PLEC: variants seen among roughly 807,000 people sequenced by gnomAD.
PLEC encodes hemidesmosomal protein 1.
Under a neutral mutation model 392.8 loss-of-function variants are expected in PLEC, and 216 were observed. The observed-to-expected ratio is 0.55, with a 90% confidence interval of 0.49 to 0.62. The LOEUF (loss-of-function observed/expected upper bound fraction) is 0.62, where lower values mean the gene tolerates loss of function less well. Among genes scored for constraint, PLEC ranks in the 20% least tolerant of loss-of-function variants. PLEC has a pLI of 0.00. For synonymous variants in PLEC, 3,621 were observed against 2,980.6 expected, an observed-to-expected ratio of 1.21 and a Z score of -7.00; for missense variants, 6,863 against 6,563.4, an observed-to-expected ratio of 1.05 and a Z score of -1.58.
chr8:143,926,345 G>T lies in PLEC; in HGVS notation c.4044+439C>A, dbSNP rs1052108092. 4.4e-4 allele frequency among the ~76,000 whole-genome samples: 67 copies of T among 152,214 alleles called. 1 individual carries two copies. The highest frequency in any genetic ancestry group is 4.1e-3 in the Admixed American group (62 of 15,288). ...CGTGGAGACAGCAGTGCAGACCCGAGCCAACTCGGAAGAGGATTCAGGGCC... is the reference window on the plus strand; with the variant it reads ...CGTGGAGACAGCAGTGCAGACCCGATCCAACTCGGAAGAGGATTCAGGGCC... On this transcript the variant is annotated intron_variant, in intron 30 of 31. Coordinates refer to ENST00000345136, the MANE Select transcript of PLEC (RefSeq NM_201384.3).
intron 9 of PLEC, 32 bp from the exon 10 acceptor site, chr8:143,934,762 C>A (rs782592686): frequency 6.2e-7 from 1 of 1,612,222 alleles, no homozygotes; most frequent in Non-Finnish European, 8.5e-7. Flanking sequence ...GCAACCACGC[C>A]GGGCTCTCAG....
At position 143,916,359 on chromosome 8, in the gene PLEC, C is replaced by CGGCCCGGG. The variant is rs782181247; in HGVS notation, c.13461_13462insCCCGGGCC (p.Gly4488ProfsTer31). ...CCGGTGCGCGAGCCGGTGCGGGAGC[C>CGGCCCGGG]AGCGGTAGAGCCGGAGCCGCTGACG... is the stretch of plus-strand genomic sequence containing the variant. On this transcript the variant is annotated frameshift_variant, in exon 32 of 32. Coordinates refer to ENST00000345136, the MANE Select transcript of PLEC (RefSeq NM_201384.3). LOFTEE classifies it high-confidence loss of function. 1.2e-6 allele frequency: 2 copies of CGGCCCGGG among 1,606,534 alleles called. 1 individual carries two copies. The highest frequency in any genetic ancestry group is 1.7e-6 in the Non-Finnish European group (2 of 1,176,850).
At chr8:143,953,423 G>A (rs1181647858), upstream of PLEC, among the ~76,000 whole-genome samples, 1 of 151,930 alleles carries the variant, frequency 6.6e-6, no homozygotes, top group East Asian at 1.9e-4. Context: ...TGAAGGCTGA[G>A]CTCCCACTGT....
In PLEC at chr8:143,921,727, G is replaced by A. The variant is rs782694404; in HGVS notation, c.8094C>T (p.Ile2698=). Residue 2698 remains isoleucine, a synonymous_variant, in exon 32 of 32, where the codon ATC becomes ATT. Transcript: ENST00000345136. ...TGGTGGCCTTCAGCAACAGCCCTGC[G>A]ATACTGCTGCGGCCCTGCAGGTAGT... ...VRHYLQGRSS[I]AGLLLKATNE... 2.2e-5 allele frequency: 35 copies of A among 1,612,734 alleles called. No individual in the cohort carries two copies. The African/African-American group carries it at 2.8e-4, about 13-fold the overall frequency.
rs782134827 is a variant in PLEC at position 143,918,660 on chromosome 8, G to A, written c.11161C>T (p.Arg3721Cys). The change falls in exon 32 of 32, where the codon CGC (arginine) becomes TGC (cysteine). Residue 3721 changes from arginine to cysteine, a missense_variant. Arg to Cys is a radical substitution (Grantham distance 180). Transcript: ENST00000345136. ...GCTGCCTGTGCCTCCAGCAGCAGGC[G>A]GGCCACCTCGGCACTCAGCAGCCCT... The part of the protein sequence containing the change: ...KKGLLSAEVA[R>C]LLLEAQAATG... 4.0e-5 allele frequency: 64 copies of A among 1,612,676 alleles called. No individual in the cohort carries two copies. Among genetic ancestry groups the A allele is most frequent in the East Asian group, 6.7e-5 (3 of 44,868 alleles).
upstream of PLEC, chr8:143,943,908 G>C: frequency 2.5e-6 from 4 of 1,608,346 alleles, no homozygotes; most frequent in South Asian, 4.4e-5. Flanking sequence ...ACGCGGAGCC[G>C]CCAGGGCTGC....
chr8:143,921,187 G>T lies in PLEC; in HGVS notation c.8634C>A (p.Gly2878=), dbSNP rs1554684339. 1.9e-6 allele frequency: 3 copies of T among 1,613,954 alleles called. No homozygotes were observed. In the South Asian group the frequency reaches 3.3e-5, roughly 18 times the overall value. The stretch of plus-strand genomic sequence containing the variant: ...TATCCGTGAGTGGCAGAAGGCACAG[G>T]CCCGTCTCGGGGTCCTCCACGCAGC... The part of the protein sequence containing the change: ...LERCVEDPET[G]LCLLPLTDKA... Residue 2878 remains glycine (G), a synonymous_variant, in exon 32 of 32, where the codon GGC becomes GGA. Coordinates refer to ENST00000345136, the MANE Select transcript of PLEC (RefSeq NM_201384.3).
At chr8:143,930,104 C>A in intron 21 of PLEC, 40 bp downstream of exon 21, 1 of 1,600,488 alleles carries the variant, frequency 6.2e-7, no homozygotes, top group Non-Finnish European at 8.5e-7. Context: ...AGCGCCCCAC[C>A]CGCCTTCCAG....
Position 143,934,773 on chromosome 8 carries a change from G to A in PLEC, c.945+37C>T, listed in dbSNP as rs782423043. Reference sequence around the variant, plus strand: ...GTCGGCAACCACGCCGGGCTCTCAGGGCAGGCCCAGGACCCCGCCCCCCAC... The same window carrying A: ...GTCGGCAACCACGCCGGGCTCTCAGAGCAGGCCCAGGACCCCGCCCCCCAC... On this transcript the variant is annotated intron_variant, in intron 9 of 31. Coordinates refer to ENST00000345136, the MANE Select transcript of PLEC (RefSeq NM_201384.3). 4.3e-6 allele frequency: 7 copies of A among 1,611,816 alleles called. No individual in the cohort carries two copies. In the Middle Eastern group the frequency reaches 4.9e-4, roughly 114 times the overall value.
chr8:143,921,783 C>G lies in PLEC; in HGVS notation c.8038G>C (p.Asp2680His). The G allele has an allele frequency of 1.9e-6, 3 of 1,611,302 alleles. No homozygotes were observed. Among genetic ancestry groups the G allele is most frequent in the Non-Finnish European group, 2.5e-6 (3 of 1,179,818 alleles). Residue 2680 changes from aspartate (D) to histidine (H), a missense_variant, in exon 32 of 32, where the codon GAC (aspartate) becomes CAC (histidine). By Grantham distance (81) the Asp-to-His change is moderately conservative. Coordinates refer to ENST00000345136, the MANE Select transcript of PLEC (RefSeq NM_201384.3). ...ACGTCTTCCCGCCGTGCGAGCTCGTCCACCGTGGTGTGGCCCTGCGCCAAC... is the reference window on the plus strand; with the variant it reads ...ACGTCTTCCCGCCGTGCGAGCTCGTGCACCGTGGTGTGGCCCTGCGCCAAC... ...QRLAQGHTTV[D>H]ELARREDVRH...
chr8:143,935,572 C>T (rs1292151739), intron 6 of PLEC, among the ~76,000 whole-genome samples: 4 of 152,348 alleles, frequency 2.6e-5, no homozygotes, highest in African/African-American at 9.6e-5. Context: ...CCACCCTCCC[C>T]ACCAGGCCCC....
rs1564153388 is a variant in PLEC, at chr8:143,935,225, C to T, written c.691G>A (p.Gly231Arg). 1 of 1,612,622 alleles carries T rather than the reference C, an allele frequency of 6.2e-7. No homozygotes were observed. Among genetic ancestry groups the T allele is most frequent in the Non-Finnish European group, 8.5e-7 (1 of 1,179,966 alleles). Residue 231 changes from glycine (G) to arginine (R), a missense_variant, in exon 7 of 32, where the codon GGA becomes AGA. Transcript: ENST00000345136. ...TCAGGGTCCAGGAGCCGCGTCACTCCCAGGTCCCGCTCCGCCACAGAGAAG... is the reference window on the plus strand; with the variant it reads ...TCAGGGTCCAGGAGCCGCGTCACTCTCAGGTCCCGCTCCGCCACAGAGAAG... ...QAFSVAERDL[G>R]VTRLLDPEDV...
rs758840503 is a variant in PLEC at position 143,969,146 on chromosome 8, C to T, written c.70+4257G>A. Among the ~76,000 whole-genome samples, 16 of 152,196 alleles carry T rather than the reference C, an allele frequency of 1.1e-4. No homozygotes were observed. Among genetic ancestry groups the T allele is most frequent in the South Asian group, 2.1e-4 (1 of 4,828 alleles). On this transcript the variant is annotated intron_variant, in intron 1 of 31. Transcript: ENST00000356346. This position sits in a 1 kb window ranked among gnomAD's most constrained non-coding sequence, Gnocchi z 5.1. ...TGATAAACGCATAAGCAAAAGTGGG[C>T]ACTTCCACACCACGGAACCGACTCC...
Position 143,935,328 on chromosome 8 carries a change from T to C in PLEC, c.603-15A>G. 1 of 1,586,576 alleles carries C rather than the reference T, an allele frequency of 6.3e-7. No homozygotes were observed. Among genetic ancestry groups the C allele is most frequent in the South Asian group, 1.1e-5 (1 of 90,448 alleles). On this transcript the variant is annotated splice_polypyrimidine_tract_variant and intron_variant, in intron 6 of 31. Transcript: ENST00000345136. Reference sequence around the variant, plus strand: ...TGAGCAGGGGCCTGGGACAAGCAGGTGGCTGGTCAGGTGGGTGGGACAAGA... The same window carrying C: ...TGAGCAGGGGCCTGGGACAAGCAGGCGGCTGGTCAGGTGGGTGGGACAAGA...
rs781960986 is a variant in PLEC, at chr8:143,916,539, C to T, written c.13282G>A (p.Val4428Met). 5.0e-5 allele frequency: 81 copies of T among 1,611,694 alleles called. No homozygotes were observed. The Admixed American group carries it at 8.2e-4, about 16-fold the overall frequency. Residue 4428 changes from valine to methionine, a missense_variant, in exon 32 of 32, where the codon GTG becomes ATG. Coordinates refer to ENST00000345136, the MANE Select transcript of PLEC (RefSeq NM_201384.3). Reference sequence around the variant, plus strand: ...GTGAGGTACTTGGAGTAGGCGCCCACGTCACGCAGCTTCTGTGCGGTGCGG... The same window carrying T: ...GTGAGGTACTTGGAGTAGGCGCCCATGTCACGCAGCTTCTGTGCGGTGCGG... ...DARTAQKLRD[V>M]GAYSKYLTCP...
At chr8:143,967,862 T>C (rs1354878090) in intron 1 of PLEC, among the ~76,000 whole-genome samples, 1 of 152,128 alleles carries the variant, frequency 6.6e-6, no homozygotes, top group Admixed American at 6.5e-5. Context: ...CCAGGCGCGG[T>C]GGCTCACACC....
Position 143,933,178 on chromosome 8 carries a change from AG to A in PLEC, c.1418+18del. ...GGCCGTGTGTACCTGGGCTTCAGGG[AG>A]GGCAGGGCGGGGCCCACCTGCGGTA... On this transcript the variant is annotated intron_variant, in intron 13 of 31. Transcript: ENST00000345136. 9.6e-7 allele frequency: 1 copy of A among 1,038,274 alleles called. No individual in the cohort carries two copies. The highest frequency in any genetic ancestry group is 1.4e-6 in the Non-Finnish European group (1 of 715,426). The allele number at this position is 1,038,274 out of a possible 1,614,324, so 64.3% of individuals were successfully genotyped here.
chr8:143,961,324 C>T (rs1308640907), intron 1 of PLEC, among the ~76,000 whole-genome samples: 1 of 151,876 alleles, frequency 6.6e-6, no homozygotes, highest in African/African-American at 2.4e-5. Context: ...CTCCCAGGTT[C>T]AAGTGATTCT....
upstream of PLEC, chr8:143,953,677 C>A: frequency 1.3e-6 from 2 of 1,580,730 alleles, no homozygotes; most frequent in Non-Finnish European, 1.7e-6. Flanking sequence ...AGCCAGAGGT[C>A]ACTGTGTGGT....
Sources: gnomAD v4.1 joint callset for allele counts (sites outside exome capture counted in the v4.1 genomes callset) on GRCh38, gnomAD v4.1.1 for gene constraint, Gnocchi (gnomAD v3.1) non-coding constraint, MANE v1.5 for transcripts, NCBI Gene and HGNC (gene_info 2026-07-23, HGNC 2026-07-21) for gene names.